The following AKAP7 variants were observed in gnomAD, a reference collection of about 807,000 sequenced individuals.
AKAP7 encodes the protein A kinase (PRKA) anchor protein 7.
A neutral mutation model predicts 39.5 loss-of-function variants in AKAP7; 39 were observed. The ratio of observed to expected loss-of-function variants is 0.99; its 90% CI spans 0.76 to 1.29. The LOEUF (loss-of-function observed/expected upper bound fraction) is 1.29. Among genes scored for constraint, AKAP7 ranks in the 50% most tolerant of loss-of-function variants. AKAP7 has a pLI of 0.00. For synonymous variants in AKAP7, 140 were observed against 139.1 expected, an observed-to-expected ratio of 1.01 and a Z score of -0.05; for missense variants, 414 against 407.7, an observed-to-expected ratio of 1.02 and a Z score of -0.13.
intron 5 of AKAP7, among the ~76,000 whole-genome samples, chr6:131,180,340 C>G (rs1252297106): frequency 6.6e-6 from 1 of 152,140 alleles, no homozygotes; most frequent in Non-Finnish European, 1.5e-5. Context: ...TGTTTTCAAC[C>G]CTTTGTCTTT....
At chr6:131,253,847 T>C (rs1421922306) in intron 7 of AKAP7, among the ~76,000 whole-genome samples, 1 of 152,138 alleles carries the variant, frequency 6.6e-6, no homozygotes, top group African/African-American at 2.4e-5. Context: ...ATAGTATATA[T>C]ATACCACATT....
At chr6:131,141,823 C>A (rs1022000357) in intron 1 of AKAP7, among the ~76,000 whole-genome samples, 1 of 152,002 alleles carries the variant, frequency 6.6e-6, no homozygotes, top group African/African-American at 2.4e-5. Context: ...GTGTCCATGC[C>A]CTAGGGATCT....
intron 4 of AKAP7, among the ~76,000 whole-genome samples, chr6:131,165,622 C>G (rs1803407099): frequency 6.6e-6 from 1 of 152,128 alleles, no homozygotes; most frequent in South Asian, 2.1e-4. Context: ...AGCTCTTTGC[C>G]TGGGGCCTGG....
intron 7 of AKAP7, among the ~76,000 whole-genome samples, chr6:131,244,897 C>T (rs1460403316): frequency 6.6e-6 from 1 of 152,034 alleles, no homozygotes; most frequent in East Asian, 1.9e-4. Flanking sequence ...ATGGCAGTTT[C>T]AAATACAAAT....
intron 2 of AKAP7, among the ~76,000 whole-genome samples, chr6:131,154,468 G>GTTTTTTTTTTTTTTTT (rs58715551): frequency 8.0e-5 from 9 of 112,540 alleles, no homozygotes; most frequent in Non-Finnish European, 9.0e-5. Context: ...CCCTGTCCCT[G>GTTTTTTTTTTTTTTTT]TTTTTTTTTT....
At chr6:131,145,456 G>T in intron 2 of AKAP7, 40 bp downstream of exon 2, 1 of 1,310,570 alleles carries the variant, frequency 7.6e-7, no homozygotes, top group South Asian at 2.2e-5. Context: ...TAGAAGCAAT[G>T]AGTAGTAAAT....
intron 7 of AKAP7, among the ~76,000 whole-genome samples, chr6:131,240,852 TC>T (rs1811487739): frequency 6.6e-6 from 1 of 152,198 alleles, no homozygotes; most frequent in African/African-American, 2.4e-5. Context: ...CCCTTGCACT[TC>T]CCGGGTGAGG....
intron 7 of AKAP7, among the ~76,000 whole-genome samples, chr6:131,278,349 A>G (rs532055680): frequency 1.3e-5 from 2 of 152,336 alleles, no homozygotes; most frequent in East Asian, 3.9e-4. Context: ...ACTGCTTTGT[A>G]TCCTTATAGA....
chr6:131,225,662 G>GT (rs934180013), intron 7 of AKAP7, among the ~76,000 whole-genome samples: 9 of 151,650 alleles, frequency 5.9e-5, no homozygotes, highest in East Asian at 5.8e-4. Context: ...TTTTCTTCTA[G>GT]TTTTTTTTGT....
intron 5 of AKAP7, among the ~76,000 whole-genome samples, chr6:131,192,449 G>T (rs952224589): frequency 1.3e-5 from 2 of 152,158 alleles, no homozygotes; most frequent in African/African-American, 4.8e-5. Flanking sequence ...TGATCTATAT[G>T]TCTGTTTTTA....
At chr6:131,247,800 A>T (rs1289460340) in intron 7 of AKAP7, among the ~76,000 whole-genome samples, 1 of 151,890 alleles carries the variant, frequency 6.6e-6, no homozygotes, top group African/African-American at 2.4e-5. Flanking sequence ...GCTAATTTTT[A>T]AAATTTTTTT....
intron 6 of AKAP7, among the ~76,000 whole-genome samples, chr6:131,205,957 C>T (rs1199773986): frequency 2.0e-5 from 3 of 152,162 alleles, no homozygotes; most frequent in Admixed American, 2.0e-4. Flanking sequence ...TGTTCAGCCT[C>T]ATGCTTTTTG....
At chr6:131,148,926 A>T (rs1335912824) in intron 2 of AKAP7, among the ~76,000 whole-genome samples, 2 of 152,022 alleles carry the variant, frequency 1.3e-5, no homozygotes, top group Non-Finnish European at 2.9e-5. Context: ...TTTGTTGCCT[A>T]TGATTCCTTC....
intron 5 of AKAP7, among the ~76,000 whole-genome samples, chr6:131,169,980 C>T (rs1272742814): frequency 6.6e-6 from 1 of 151,616 alleles, no homozygotes; most frequent in Non-Finnish European, 1.5e-5. Flanking sequence ...TCTTTCTCTG[C>T]CCCCTCTTTC....
At chr6:131,167,008 A>G (rs965383051) in intron 4 of AKAP7, among the ~76,000 whole-genome samples, 3 of 152,182 alleles carry the variant, frequency 2.0e-5, no homozygotes, top group African/African-American at 7.2e-5. Context: ...TTGTATCCTT[A>G]CAGTGTAGAA....
chr6:131,184,111 G>A (rs1167984450), intron 5 of AKAP7, among the ~76,000 whole-genome samples: 1 of 152,212 alleles, frequency 6.6e-6, no homozygotes, highest in Non-Finnish European at 1.5e-5. Flanking sequence ...ATGCCTTGGG[G>A]CAGTGTGTTG....
chr6:131,213,013 A>G (rs752319890), intron 6 of AKAP7, among the ~76,000 whole-genome samples: 8 of 152,196 alleles, frequency 5.3e-5, no homozygotes, highest in Admixed American at 3.3e-4. Flanking sequence ...CTCTCATTTG[A>G]ATGGTATCTG....
intron 5 of AKAP7, among the ~76,000 whole-genome samples, chr6:131,183,701 T>C (rs912425069): frequency 6.6e-6 from 1 of 151,896 alleles, no homozygotes; most frequent in Non-Finnish European, 1.5e-5. Context: ...CTGCTCCCCC[T>C]GGGGTGGGGT....
At position 131,165,191 on chromosome 6, in the gene AKAP7, A is replaced by G. The variant is rs1803361857; in HGVS notation, c.402A>G (p.Gln134=). Residue 134 remains glutamine, a synonymous_variant, in exon 4 of 8, where the codon CAA becomes CAG. Transcript: ENST00000431975. ...GSFHITLLVM[Q]LLNEDEVNIG... ...TTCATATTACCCTGCTGGTGATGCAATTATTAAATGAAGATGAAGTAAACA... is the reference window on the plus strand; with the variant it reads ...TTCATATTACCCTGCTGGTGATGCAGTTATTAAATGAAGATGAAGTAAACA... 2 of 1,607,928 alleles carry G rather than the reference A, an allele frequency of 1.2e-6. No individual in the cohort carries two copies. The highest frequency in any genetic ancestry group is 1.7e-6 in the Non-Finnish European group (2 of 1,177,004).
Sources: gnomAD v4.1 joint callset for allele counts (sites outside exome capture counted in the v4.1 genomes callset) on GRCh38, gnomAD v4.1.1 for gene constraint, MANE v1.5 for transcripts, NCBI Gene and HGNC (gene_info 2026-07-23, HGNC 2026-07-21) for gene names.